SLC36A1: variants seen among roughly 807,000 people sequenced by gnomAD.
The protein encoded by SLC36A1 is solute carrier family 36 member 1.
In SLC36A1, 30 loss-of-function variants were observed where a neutral mutation model predicts 47.5. That is an observed-to-expected ratio of 0.63 (90% confidence interval 0.47 to 0.86). The LOEUF (loss-of-function observed/expected upper bound fraction) is 0.86, where lower values mean the gene tolerates loss of function less well. SLC36A1 is among the 40% of genes least tolerant of loss of function. The probability of loss-of-function intolerance (pLI) is 0.00; values close to 1 mark genes in which losing one functional copy is unlikely to be tolerated. For missense variants in SLC36A1, 517 were observed against 606.0 expected (o/e 0.85, Z 1.54); for synonymous variants, 255 against 249.7 (o/e 1.02, Z -0.20).
At chr5:151,414,670 TGA>T in the SLC36A1 span, 1 of 152,118 alleles carries the variant, frequency 6.6e-6, no homozygotes, top group Admixed American at 6.5e-5. Flanking sequence ...TATTTCTGCT[TGA>T]GTTCTCTGCC....
At chr5:151,371,914 GAT>G in the SLC36A1 span, among the ~76,000 whole-genome samples, 1 of 152,084 alleles carries the variant, frequency 6.6e-6, no homozygotes, top group Non-Finnish European at 1.5e-5. Context: ...AGGGGAGGGA[GAT>G]TCTGCTTTTG....
chr5:151,413,563 A>G, the SLC36A1 span, among the ~76,000 whole-genome samples: 2 of 152,108 alleles, frequency 1.3e-5, no homozygotes, highest in Non-Finnish European at 2.9e-5. Context: ...TCGCCTTTTT[A>G]TTTTTTATTC....
At chr5:151,360,915 A>G in the SLC36A1 span, among the ~76,000 whole-genome samples, 3 of 152,186 alleles carry the variant, frequency 2.0e-5, no homozygotes, top group African/African-American at 2.4e-5. Context: ...TCCAAGATCC[A>G]TATCTTGAAA....
the SLC36A1 span, among the ~76,000 whole-genome samples, chr5:151,506,450 A>G: frequency 1.3e-5 from 2 of 150,180 alleles, no homozygotes; most frequent in African/African-American, 4.8e-5. Flanking sequence ...TAACTGAAGG[A>G]AACACACACA....
chr5:151,465,615 G>A lies in SLC36A1; in HGVS notation c.419+446G>A, dbSNP rs189877732. ...AAAAAGAAATGTGGGAAGAGAAGCC[G>A]GGGAACAAGATAAGAGACCAGTAGT... On this transcript the variant is annotated intron_variant, in intron 5 of 10. Coordinates refer to ENST00000243389, the MANE Select transcript of SLC36A1 (RefSeq NM_078483.4). Among the ~76,000 whole-genome samples, 61 of 152,274 alleles carry A rather than the reference G, an allele frequency of 4.0e-4. 1 individual carries two copies. Among genetic ancestry groups the A allele is most frequent in the African/African-American group, 1.2e-3 (51 of 41,554 alleles).
At chr5:151,389,146 T>C in the SLC36A1 span, among the ~76,000 whole-genome samples, 1 of 152,188 alleles carries the variant, frequency 6.6e-6, no homozygotes, top group Non-Finnish European at 1.5e-5. Flanking sequence ...CTGTCTGGCC[T>C]GGTTACAATG....
chr5:151,387,809 T>A, the SLC36A1 span, among the ~76,000 whole-genome samples: 1 of 152,164 alleles, frequency 6.6e-6, no homozygotes, highest in Non-Finnish European at 1.5e-5. Context: ...AGAACTAAAC[T>A]CTTACCTTTT....
the SLC36A1 span, among the ~76,000 whole-genome samples, chr5:151,424,343 A>C: frequency 4.6e-5 from 7 of 152,220 alleles, no homozygotes; most frequent in Non-Finnish European, 7.3e-5. Context: ...TGCTGGAGGA[A>C]GAAAGGCAGA....
the SLC36A1 span, among the ~76,000 whole-genome samples, chr5:151,541,775 C>A: frequency 6.6e-6 from 1 of 152,258 alleles, no homozygotes; most frequent in African/African-American, 2.4e-5. Context: ...ACTTCTCCAT[C>A]TGGGCCTTGG....
the SLC36A1 span, among the ~76,000 whole-genome samples, chr5:151,371,405 C>T: frequency 6.8e-4 from 104 of 152,246 alleles, 1 homozygote; most frequent in Middle Eastern, 0.01. Flanking sequence ...TCCCCCTAGC[C>T]CTAGACACAC....
At chr5:151,371,400 CT>C in the SLC36A1 span, among the ~76,000 whole-genome samples, 2 of 152,204 alleles carry the variant, frequency 1.3e-5, no homozygotes, top group Non-Finnish European at 2.9e-5. Context: ...TATTATCCCC[CT>C]AGCCCTAGAC....
At chr5:151,442,291 G>A (rs116152387) in intron 1 of SLC36A1, among the ~76,000 whole-genome samples, 1,995 of 152,004 alleles carry the variant, frequency 0.013, 20 homozygotes, top group Non-Finnish European at 0.021. Flanking sequence ...CATTATTTGG[G>A]GTTTCTTTTT....
the SLC36A1 span, among the ~76,000 whole-genome samples, chr5:151,358,782 G>A: frequency 6.6e-6 from 1 of 151,478 alleles, no homozygotes; most frequent in African/African-American, 2.4e-5. Context: ...GACCATCCTG[G>A]CTAACAAGGT....
the SLC36A1 span, among the ~76,000 whole-genome samples, chr5:151,522,908 C>T: frequency 6.6e-6 from 1 of 152,132 alleles, no homozygotes; most frequent in Non-Finnish European, 1.5e-5. Context: ...TGTGAAAAGC[C>T]GTGAGGGTGA....
At chr5:151,518,682 A>T in the SLC36A1 span, among the ~76,000 whole-genome samples, 1 of 152,228 alleles carries the variant, frequency 6.6e-6, no homozygotes, top group Non-Finnish European at 1.5e-5. Context: ...AAAGTCTGGC[A>T]TCCTCCATCC....
At chr5:151,522,208 C>T in the SLC36A1 span, 2 of 725,868 alleles carry the variant, frequency 2.8e-6, no homozygotes, top group Non-Finnish European at 2.2e-6. Flanking sequence ...AGGGCTGGCT[C>T]AGCGCATTGT....
At chr5:151,461,154 ATTT>A (rs3086279) in intron 2 of SLC36A1, among the ~76,000 whole-genome samples, 171 of 125,564 alleles carry the variant, frequency 1.4e-3, no homozygotes, top group African/African-American at 3.3e-3. Context: ...TACTTTTTGT[ATTT>A]TTTTTTTTTT....
chr5:151,378,420 A>G, the SLC36A1 span: 3 of 185,304 alleles, frequency 1.6e-5, no homozygotes, highest in South Asian at 3.4e-4. Context: ...TCTTCTAGGT[A>G]TTTGATCTTG....
the SLC36A1 span, among the ~76,000 whole-genome samples, chr5:151,358,711 C>T: frequency 1.3e-5 from 2 of 150,836 alleles, no homozygotes; most frequent in Non-Finnish European, 3.0e-5. Context: ...CGGTGGCTCA[C>T]GCCTGTAATC....
Sources: gnomAD v4.1 joint callset for allele counts (sites outside exome capture counted in the v4.1 genomes callset) on GRCh38, gnomAD v4.1.1 for gene constraint, MANE v1.5 for transcripts, NCBI Gene and HGNC (gene_info 2026-07-23, HGNC 2026-07-21) for gene names.